The following REV3L variants were observed in gnomAD, a reference collection of about 807,000 sequenced individuals.
REV3L encodes the protein REV3 like, DNA directed polymerase zeta catalytic subunit.
In REV3L, 69 loss-of-function variants were observed where a neutral mutation model predicts 299.4. The ratio of observed to expected loss-of-function variants is 0.23; its 90% confidence interval spans 0.19 to 0.28. REV3L has a LOEUF of 0.28. Among genes scored for constraint, REV3L ranks in the 10% least tolerant of loss-of-function variants. The pLI is 1.00. For missense variants in REV3L, 3,128 were observed against 3,693.8 expected (o/e 0.85, Z 3.97); for synonymous variants, 1,238 against 1,271.4 (o/e 0.97, Z 0.56).
At chr6:111,341,328 G>A (rs1260251964) in intron 21 of REV3L, among the ~76,000 whole-genome samples, 2 of 152,130 alleles carry the variant, frequency 1.3e-5, no homozygotes, top group African/African-American at 2.4e-5. Context: ...AATTACAGGC[G>A]TGAGCCACTG....
intron 1 of REV3L, among the ~76,000 whole-genome samples, chr6:111,471,015 A>G (rs1792138673): frequency 6.6e-6 from 1 of 152,108 alleles, no homozygotes; most frequent in African/African-American, 2.4e-5. Flanking sequence ...TAAGTAAAAG[A>G]CAATGTTATT....
chr6:111,407,583 G>A (rs1433945239), intron 3 of REV3L, among the ~76,000 whole-genome samples: 1 of 152,216 alleles, frequency 6.6e-6, no homozygotes, highest in African/African-American at 2.4e-5. Context: ...GAGGTCATTA[G>A]TGAAAGCAAT....
rs761064430 is a variant in REV3L, at chr6:111,389,134, A to C, written c.834T>G (p.Thr278=). Residue 278 remains threonine (T), a synonymous_variant, in exon 7 of 32, where the codon ACT becomes ACG. Coordinates refer to ENST00000368802, the MANE Select transcript of REV3L (RefSeq NM_001372078.1). The part of the protein sequence containing the change: ...EKQRRRNRNE[T]SQMSQPESQD... ...GTGACTCAGGTTGGCTCATTTGAGA[A>C]GTTTCATTTCTGTTTCTTCGCCGTT... 6.2e-7 allele frequency: 1 copy of C among 1,613,916 alleles called. No homozygotes were observed. The highest frequency in any genetic ancestry group is 2.2e-5 in the East Asian group (1 of 44,846).
intron 1 of REV3L, among the ~76,000 whole-genome samples, chr6:111,427,665 A>T (rs895703306): frequency 6.6e-6 from 1 of 152,172 alleles, no homozygotes; most frequent in Non-Finnish European, 1.5e-5. Context: ...AACTTTCCCA[A>T]CTCAGAGTTG....
chr6:111,374,833 A>G lies in REV3L; in HGVS notation c.3522T>C (p.Ile1174=). The change falls in exon 13 of 32, where the codon ATT becomes ATC. Residue 1174 remains isoleucine, a synonymous_variant. Coordinates refer to ENST00000368802, the MANE Select transcript of REV3L (RefSeq NM_001372078.1). ...IGKTSRARAQ[I]KKSKAKLANP... is the part of the protein sequence containing the mutation. ...TAGCAAGCTTTGCTTTTGATTTCTT[A>G]ATCTGTGCTCTTGCGCGACTAGTTT... The G allele has an allele frequency of 1.2e-6, 2 of 1,613,590 alleles. No individual in the cohort carries two copies. The highest frequency in any genetic ancestry group is 2.2e-5 in the South Asian group (2 of 90,956).
At chr6:111,381,245 T>TAAA in intron 10 of REV3L, 80 bp downstream of exon 10, 2 of 1,181,668 alleles carry the variant, frequency 1.7e-6, no homozygotes, top group South Asian at 1.5e-5. Flanking sequence ...TTCAAGTCAA[T>TAAA]AAAAAAAAAA....
chr6:111,418,975 A>G (rs1300117218), intron 1 of REV3L, among the ~76,000 whole-genome samples: 1 of 152,224 alleles, frequency 6.6e-6, no homozygotes, highest in Non-Finnish European at 1.5e-5. Flanking sequence ...GAAGAAACAC[A>G]TCCACGAAAA....
At chr6:111,395,730 A>G (rs920111761) in intron 4 of REV3L, among the ~76,000 whole-genome samples, 2 of 152,096 alleles carry the variant, frequency 1.3e-5, no homozygotes, top group Admixed American at 1.3e-4. Context: ...TACTATGTTG[A>G]ACAGGAGTGG....
intron 1 of REV3L, among the ~76,000 whole-genome samples, chr6:111,438,943 T>G (rs1052696299): frequency 3.9e-5 from 6 of 151,968 alleles, no homozygotes; most frequent in African/African-American, 1.4e-4. Flanking sequence ...AAACAGTCAA[T>G]TTTTTAGTGG....
At chr6:111,312,168 T>C (rs986156543) in intron 28 of REV3L, 1 of 152,318 alleles carries the variant, frequency 6.6e-6, no homozygotes, top group East Asian at 1.9e-4. Context: ...AACCAATGGA[T>C]ATTTATACAA....
chr6:111,376,382 C>T lies in REV3L; in HGVS notation c.1973G>A (p.Ser658Asn), dbSNP rs761660439. ...EILPVSSCES[S>N]IFDYEEDIPS... Reference sequence around the variant, plus strand: ...AATATCTTCTTCATAATCAAAAATACTACTTTCACAGGAAGATACTGGGAG... The same window carrying T: ...AATATCTTCTTCATAATCAAAAATATTACTTTCACAGGAAGATACTGGGAG... The change falls in exon 13 of 32, where the codon AGT becomes AAT. Residue 658 changes from serine to asparagine, a missense_variant. Ser to Asn is a conservative substitution (Grantham distance 46). This residue lies in a region of REV3L where 2,409 missense variants were observed against 2,611.8 expected (regional missense o/e 0.92). Coordinates refer to ENST00000368802, the MANE Select transcript of REV3L (RefSeq NM_001372078.1). The T allele has an allele frequency of 1.9e-6, 3 of 1,612,754 alleles. No individual in the cohort carries two copies. The highest frequency in any genetic ancestry group is 3.3e-5 in the Admixed American group (2 of 59,834).
At chr6:111,309,758 C>T (rs1391266738) in intron 30 of REV3L, 95 bp downstream of exon 30, 2 of 1,388,364 alleles carry the variant, frequency 1.4e-6, no homozygotes, top group African/African-American at 2.9e-5. Flanking sequence ...TCCCAGCACT[C>T]CCATATCAAT....
intron 25 of REV3L, among the ~76,000 whole-genome samples, chr6:111,328,893 G>T (rs1775099306): frequency 6.6e-6 from 1 of 152,074 alleles, no homozygotes; most frequent in South Asian, 2.1e-4. Flanking sequence ...AGCTTCCCAA[G>T]TAACTGGGAC....
chr6:111,391,662 C>T (rs932861387), intron 5 of REV3L, among the ~76,000 whole-genome samples: 2 of 152,176 alleles, frequency 1.3e-5, no homozygotes, highest in Non-Finnish European at 2.9e-5. Context: ...CGCTTGGTGG[C>T]TCATGAATGT....
chr6:111,359,125 A>T, intron 16 of REV3L, 111 bp from the exon 17 acceptor site: 1 of 840,382 alleles, frequency 1.2e-6, no homozygotes, highest in East Asian at 2.8e-5. Flanking sequence ...AAAAATGGAC[A>T]TAAAGGACAA....
intron 9 of REV3L, among the ~76,000 whole-genome samples, chr6:111,387,477 A>G (rs1301236795): frequency 6.6e-6 from 1 of 152,226 alleles, no homozygotes; most frequent in Non-Finnish European, 1.5e-5. Flanking sequence ...ATCTACGCCA[A>G]GCAGAACATC....
Position 111,410,300 on chromosome 6 carries a change from T to A in REV3L, c.404+1180A>T, listed in dbSNP as rs9487629. On this transcript the variant is annotated intron_variant, in intron 3 of 31. Coordinates refer to ENST00000368802, the MANE Select transcript of REV3L (RefSeq NM_001372078.1). Reference sequence around the variant, plus strand: ...ATGGCATTGTGATAAGCTGACTATATAATTTAAAGCAAACTTACTGAGAAC... The same window carrying A: ...ATGGCATTGTGATAAGCTGACTATAAAATTTAAAGCAAACTTACTGAGAAC... Among the ~76,000 whole-genome samples the A allele has an allele frequency of 2.3e-3, 346 of 152,350 alleles. 1 individual carries two copies. The highest frequency in any genetic ancestry group is 8.1e-3 in the African/African-American group (335 of 41,580).
intron 1 of REV3L, among the ~76,000 whole-genome samples, chr6:111,481,441 T>C (rs1239571556): frequency 2.6e-5 from 4 of 152,236 alleles, no homozygotes; most frequent in Admixed American, 2.6e-4. Flanking sequence ...TCAAGGTTCA[T>C]ATCAAAATCA....
chr6:111,327,007 C>T (rs1774899937), intron 25 of REV3L, among the ~76,000 whole-genome samples: 1 of 152,094 alleles, frequency 6.6e-6, no homozygotes, highest in Admixed American at 6.5e-5. Flanking sequence ...CTGAGGATAG[C>T]TGAGAAGACC....
Sources: gnomAD v4.1 joint callset for allele counts (sites outside exome capture counted in the v4.1 genomes callset) on GRCh38, gnomAD v4.1.1 for gene constraint, gnomAD v4.1.1 regional missense constraint, MANE v1.5 for transcripts, NCBI Gene and HGNC (gene_info 2026-07-23, HGNC 2026-07-21) for gene names.